The following ZMAT4 variants were observed in gnomAD, a reference collection of about 807,000 sequenced individuals.
ZMAT4 encodes zinc finger matrin-type 4.
A neutral mutation model predicts 28.7 loss-of-function variants in ZMAT4; 17 were observed. That is an observed-to-expected ratio of 0.59 (90% confidence interval 0.41 to 0.89). The LOEUF (loss-of-function observed/expected upper bound fraction) is 0.89, where lower values mean the gene tolerates loss of function less well. ZMAT4 is among the 40% of genes least tolerant of loss of function. The pLI is 0.00. For missense variants in ZMAT4, 240 were observed against 283.8 expected (o/e 0.85, Z 1.11); for synonymous variants, 117 against 109.2 (o/e 1.07, Z -0.44).
At position 40,683,979 on chromosome 8, in the gene ZMAT4, G is replaced by A. The variant is rs189691001; in HGVS notation, c.350-9048C>T. Among the ~76,000 whole-genome samples the A allele has an allele frequency of 9.9e-5, 15 of 151,928 alleles. No homozygotes were observed. The East Asian group carries it at 2.7e-3, about 28-fold the overall frequency. Reference sequence around the variant, plus strand: ...ACACAGGGAGGGGCTTAGATGGGAGGATTGCTTGATCCCATAAGGTCAAGG... The same window carrying A: ...ACACAGGGAGGGGCTTAGATGGGAGAATTGCTTGATCCCATAAGGTCAAGG... On this transcript the variant is annotated intron_variant, in intron 4 of 6. Coordinates refer to ENST00000297737, the MANE Select transcript of ZMAT4 (RefSeq NM_024645.3).
At chr8:40,873,066 G>A (rs1586201268) in intron 1 of ZMAT4, among the ~76,000 whole-genome samples, 1 of 152,090 alleles carries the variant, frequency 6.6e-6, no homozygotes, top group African/African-American at 2.4e-5. Context: ...ATCCATGCAA[G>A]GTGACAGAGA....
chr8:40,894,210 G>A (rs943389046), intron 1 of ZMAT4, among the ~76,000 whole-genome samples: 1 of 152,220 alleles, frequency 6.6e-6, no homozygotes, highest in Non-Finnish European at 1.5e-5. Context: ...GTGCTTCGAA[G>A]CATCTGCCCT....
chr8:40,648,552 C>G (rs968684914), intron 5 of ZMAT4, among the ~76,000 whole-genome samples: 1 of 140,040 alleles, frequency 7.1e-6, no homozygotes, highest in Admixed American at 7.4e-5. Flanking sequence ...GGCCAACGTT[C>G]AGATTCAGGA....
chr8:40,568,457 G>A (rs920643863), intron 6 of ZMAT4, among the ~76,000 whole-genome samples: 1 of 152,100 alleles, frequency 6.6e-6, no homozygotes, highest in African/African-American at 2.4e-5. Context: ...TGAGCAGGCC[G>A]GAACTTTGTG....
intron 1 of ZMAT4, among the ~76,000 whole-genome samples, chr8:40,826,936 C>T (rs1050045054): frequency 1.3e-5 from 2 of 152,120 alleles, no homozygotes; most frequent in African/African-American, 4.8e-5. Context: ...CACCTCCTAC[C>T]CGTCAAGCAA....
intron 3 of ZMAT4, among the ~76,000 whole-genome samples, chr8:40,716,384 C>T (rs1585928860): frequency 1.3e-5 from 2 of 152,236 alleles, no homozygotes; most frequent in African/African-American, 4.8e-5. Context: ...ACCCTTCCTC[C>T]CTTTACTTAA....
intron 5 of ZMAT4, among the ~76,000 whole-genome samples, chr8:40,671,097 T>C (rs1235223198): frequency 6.6e-6 from 1 of 151,430 alleles, no homozygotes; most frequent in Non-Finnish European, 1.5e-5. Flanking sequence ...TTGACATCAT[T>C]AGTCAATATG....
intron 6 of ZMAT4, among the ~76,000 whole-genome samples, chr8:40,572,394 G>A (rs929288943): frequency 1.3e-5 from 2 of 152,106 alleles, no homozygotes; most frequent in Non-Finnish European, 2.9e-5. Context: ...AAAGGAAGAA[G>A]CAGATTTAGA....
intron 3 of ZMAT4, among the ~76,000 whole-genome samples, chr8:40,753,061 C>T (rs1812524865): frequency 8.9e-5 from 1 of 11,228 alleles, no homozygotes; most frequent in Middle Eastern, 0.045. Flanking sequence ...CACCCCCCAA[C>T]AGGCCCCGGT....
At chr8:40,557,871 A>G (rs941348026) in intron 6 of ZMAT4, among the ~76,000 whole-genome samples, 4 of 152,190 alleles carry the variant, frequency 2.6e-5, no homozygotes, top group African/African-American at 7.2e-5. Flanking sequence ...GGATGGATAG[A>G]CTGATTGATT....
chr8:40,586,031 T>C (rs564017677), intron 5 of ZMAT4, among the ~76,000 whole-genome samples: 100 of 152,250 alleles, frequency 6.6e-4, no homozygotes, highest in African/African-American at 2.3e-3. Context: ...GCCAGAGGCG[T>C]GGGCAGGAAA....
intron 5 of ZMAT4, among the ~76,000 whole-genome samples, chr8:40,629,825 G>A (rs914194981): frequency 6.6e-6 from 1 of 152,036 alleles, no homozygotes; most frequent in African/African-American, 2.4e-5. Flanking sequence ...ATTTAGGTTG[G>A]TTCCAAGTCT....
chr8:40,835,094 G>C (rs914105640), intron 1 of ZMAT4, among the ~76,000 whole-genome samples: 2 of 152,192 alleles, frequency 1.3e-5, no homozygotes, highest in Non-Finnish European at 2.9e-5. Context: ...CGGGCCCAAA[G>C]CATCTGCTTT....
chr8:40,578,435 T>A (rs911612101), intron 6 of ZMAT4, among the ~76,000 whole-genome samples: 1 of 152,112 alleles, frequency 6.6e-6, no homozygotes, highest in Non-Finnish European at 1.5e-5. Flanking sequence ...GACCTCAGGA[T>A]AAGCAGAGAA....
intron 1 of ZMAT4, among the ~76,000 whole-genome samples, chr8:40,885,222 T>C (rs1818412817): frequency 6.6e-6 from 1 of 152,124 alleles, no homozygotes; most frequent in Non-Finnish European, 1.5e-5. Context: ...AATTTCTAAT[T>C]TGCTCCTTCT....
chr8:40,685,657 CT>C (rs1331577495), intron 4 of ZMAT4, among the ~76,000 whole-genome samples: 1 of 152,008 alleles, frequency 6.6e-6, no homozygotes, highest in Non-Finnish European at 1.5e-5. Flanking sequence ...GATGTAGCTG[CT>C]TTAAAACCTG....
At chr8:40,625,555 T>C (rs1282442190) in intron 5 of ZMAT4, among the ~76,000 whole-genome samples, 1 of 151,900 alleles carries the variant, frequency 6.6e-6, no homozygotes, top group Non-Finnish European at 1.5e-5. Flanking sequence ...AACGTGACAT[T>C]AGAGGGAAAG....
intron 6 of ZMAT4, among the ~76,000 whole-genome samples, chr8:40,568,279 C>G (rs2565109): frequency 0.98 from 149,383 of 152,222 alleles, 73,372 homozygotes; most frequent in Middle Eastern, 1. Flanking sequence ...GAGCATTCAG[C>G]AAACATTTCT....
chr8:40,532,920 A>G (rs770478637), intron 6 of ZMAT4, among the ~76,000 whole-genome samples: 11 of 151,552 alleles, frequency 7.3e-5, no homozygotes, highest in Non-Finnish European at 1.5e-4. Flanking sequence ...CTTGAACCTG[A>G]TGCAGTGAGC....
Sources: gnomAD v4.1 joint callset for allele counts (sites outside exome capture counted in the v4.1 genomes callset) on GRCh38, gnomAD v4.1.1 for gene constraint, MANE v1.5 for transcripts, NCBI Gene and HGNC (gene_info 2026-07-23, HGNC 2026-07-21) for gene names.